RGPD3: variants seen among roughly 807,000 people sequenced by gnomAD.
RGPD3 encodes ranBP2-like and GRIP domain-containing protein 3.
In RGPD3, 62 loss-of-function variants were observed where a neutral mutation model predicts 154.5. That is an observed-to-expected ratio of 0.40 (90% CI 0.33 to 0.50). The LOEUF is 0.50. RGPD3 is among the 20% of genes least tolerant of loss of function. The pLI is 0.59. For missense variants in RGPD3, 919 were observed against 1,716.8 expected (o/e 0.54, Z 8.21); for synonymous variants, 308 against 607.0 (o/e 0.51, Z 7.24).
chr2:106,467,122 C>G (rs1678639102), intron 1 of RGPD3, among the ~76,000 whole-genome samples: 1 of 86,260 alleles, frequency 1.2e-5, no homozygotes, highest in African/African-American at 3.7e-5. Context: ...GGCGCCTCAA[C>G]AGAGCGCGCC....
chr2:106,448,397 A>T (rs1678001191), intron 6 of RGPD3, among the ~76,000 whole-genome samples: 1 of 152,132 alleles, frequency 6.6e-6, no homozygotes. Context: ...GGCATGAGCC[A>T]CTATGCCTGG....
chr2:106,446,839 G>T (rs1212870727), intron 7 of RGPD3, among the ~76,000 whole-genome samples: 1 of 151,782 alleles, frequency 6.6e-6, no homozygotes, highest in Non-Finnish European at 1.5e-5. Context: ...CCGAGATCAC[G>T]CCACTGCACT....
In RGPD3 at chr2:106,424,796, T is replaced by C. The variant is rs1232223522; in HGVS notation, c.3171A>G (p.Glu1057=). ...KVELVTGEEG[E]KVLYSQGVKL... ...TTACCCCCTGTGAATACAGAACTTT[T>C]TCACCTTCTTCTCCTGTTACAAGTT... The change falls in exon 20 of 23, where the codon GAA becomes GAG. Residue 1057 remains glutamate, a synonymous_variant. Coordinates refer to ENST00000409886, the MANE Select transcript of RGPD3 (RefSeq NM_001144013.2). 1 of 1,611,756 alleles carries C rather than the reference T, an allele frequency of 6.2e-7. No individual in the cohort carries two copies. The highest frequency in any genetic ancestry group is 8.5e-7 in the Non-Finnish European group (1 of 1,179,850).
Position 106,423,802 on chromosome 2 carries a change from C to G in RGPD3, c.4165G>C (p.Asp1389His), listed in dbSNP as rs768219759. 3.7e-6 allele frequency: 6 copies of G among 1,611,998 alleles called. No homozygotes were observed. The highest frequency in any genetic ancestry group is 5.1e-6 in the Non-Finnish European group (6 of 1,179,874). Reference protein sequence around the residue: ...IGDIKILQNYDNKHVRILMRR... With the variant: ...IGDIKILQNYHNKHVRILMRR... Reference sequence around the variant, plus strand: ...ATCAGTATACGAACGTGCTTATTATCATAATTCTGTAAAATCTTTATATCA... The same window carrying G: ...ATCAGTATACGAACGTGCTTATTATGATAATTCTGTAAAATCTTTATATCA... The change falls in exon 20 of 23, where the codon GAT becomes CAT. Residue 1389 changes from aspartate to histidine, a missense_variant. Asp to His is a moderately conservative substitution (Grantham distance 81). Transcript: ENST00000409886.
intron 6 of RGPD3, among the ~76,000 whole-genome samples, chr2:106,451,823 T>G (rs928596963): frequency 1.8e-4 from 27 of 152,022 alleles, no homozygotes; most frequent in Non-Finnish European, 2.2e-4. Flanking sequence ...TACTAGTACA[T>G]GTGAACCTAG....
chr2:106,461,547 T>C (rs1411375774), intron 1 of RGPD3, among the ~76,000 whole-genome samples: 2 of 151,970 alleles, frequency 1.3e-5, no homozygotes, highest in Non-Finnish European at 2.9e-5. Context: ...TGTTTATTTA[T>C]ATAATCTTCC....
chr2:106,410,476 T>C (rs1458959582), intron 22 of RGPD3, among the ~76,000 whole-genome samples: 1 of 152,188 alleles, frequency 6.6e-6, no homozygotes, highest in Admixed American at 6.5e-5. Context: ...CAATGGACCC[T>C]TAACTTATAG....
chr2:106,464,340 C>CAAAAAAAAAA (rs55851806), intron 1 of RGPD3, among the ~76,000 whole-genome samples: 1 of 107,350 alleles, frequency 9.3e-6, no homozygotes. Context: ...GACTCCATCT[C>CAAAAAAAAAA]AAAAAAAAAA....
chr2:106,449,241 G>C (rs2104500899), intron 6 of RGPD3, among the ~76,000 whole-genome samples: 1 of 149,460 alleles, frequency 6.7e-6, no homozygotes, highest in East Asian at 2.0e-4. Flanking sequence ...GAGGCGGGTG[G>C]ATCACCTGAG....
At chr2:106,416,198 C>A (rs1276400583) in intron 20 of RGPD3, among the ~76,000 whole-genome samples, 93 of 143,290 alleles carry the variant, frequency 6.5e-4, no homozygotes, top group Middle Eastern at 3.5e-3. Flanking sequence ...TAAAGCATGT[C>A]ATCTAACTGA....
At chr2:106,468,741 G>C (rs1238891496), upstream of RGPD3, among the ~76,000 whole-genome samples, 1 of 149,598 alleles carries the variant, frequency 6.7e-6, no homozygotes, top group Non-Finnish European at 1.5e-5. Flanking sequence ...AGGAGGTGGA[G>C]GTTGCAGTAC....
At position 106,415,979 on chromosome 2, in the gene RGPD3, T is replaced by C. The variant is rs1008943548; in HGVS notation, c.4935A>G (p.Leu1645=). The part of the protein sequence containing the change: ...TFKTPEKEPP[L]WYAEFTKEEL... Reference sequence around the variant, plus strand: ...CTTCTTTAGTAAATTCAGCATACCATAATGGAGGCTCTGCAACATGTTGTT... The same window carrying C: ...CTTCTTTAGTAAATTCAGCATACCACAATGGAGGCTCTGCAACATGTTGTT... Residue 1645 remains leucine, a synonymous_variant, in exon 21 of 23, where the codon TTA becomes TTG. Coordinates refer to ENST00000409886, the MANE Select transcript of RGPD3 (RefSeq NM_001144013.2). 7.4e-6 allele frequency: 12 copies of C among 1,611,796 alleles called. No individual in the cohort carries two copies. The highest frequency in any genetic ancestry group is 1.3e-5 in the African/African-American group (1 of 74,948).
At position 106,423,825 on chromosome 2, in the gene RGPD3, T is replaced by C. The variant is rs771465459; in HGVS notation, c.4142A>G (p.Asp1381Gly). 1 of 1,611,900 alleles carries C rather than the reference T, an allele frequency of 6.2e-7. No individual in the cohort carries two copies. Among genetic ancestry groups the C allele is most frequent in the South Asian group, 1.1e-5 (1 of 90,984 alleles). Residue 1381 changes from aspartate to glycine, a missense_variant, in exon 20 of 23, where the codon GAT (aspartate) becomes GGT (glycine). Transcript: ENST00000409886. The stretch of plus-strand genomic sequence containing the variant: ...ATCATAATTCTGTAAAATCTTTATA[T>C]CACCAATGCCCCTTTCTTTCCATTG... ...VGQWKERGIG[D>G]IKILQNYDNK...
Position 106,424,267 on chromosome 2 carries a change from T to C in RGPD3, c.3700A>G (p.Thr1234Ala). The C allele has an allele frequency of 1.2e-6, 2 of 1,612,020 alleles. No homozygotes were observed. The highest frequency in any genetic ancestry group is 2.2e-5 in the South Asian group (2 of 90,978). ...SGTGAAGASD[T>A]TIKPNAENTG... ...TTTTCAGCATTGGGTTTTATTGTTGTGTCTGAGGCACCGGCCGCACCTGTA... is the reference window on the plus strand; with the variant it reads ...TTTTCAGCATTGGGTTTTATTGTTGCGTCTGAGGCACCGGCCGCACCTGTA... Residue 1234 changes from threonine (T) to alanine (A), a missense_variant, in exon 20 of 23, where the codon ACA (threonine) becomes GCA (alanine). Physicochemically the swap from Thr to Ala is moderately conservative, Grantham distance 58. Coordinates refer to ENST00000409886, the MANE Select transcript of RGPD3 (RefSeq NM_001144013.2).
chr2:106,432,110 C>T (rs1179006878), intron 17 of RGPD3, among the ~76,000 whole-genome samples: 1 of 148,646 alleles, frequency 6.7e-6, no homozygotes, highest in Non-Finnish European at 1.5e-5. Flanking sequence ...CTTTGAAGGT[C>T]TCAAATTTTG....
chr2:106,410,093 C>T (rs1443881699), intron 22 of RGPD3, among the ~76,000 whole-genome samples: 1 of 151,788 alleles, frequency 6.6e-6, no homozygotes, highest in Non-Finnish European at 1.5e-5. Flanking sequence ...CCAGGCTGGT[C>T]TTGAACTCCT....
intron 1 of RGPD3, among the ~76,000 whole-genome samples, chr2:106,465,994 A>G (rs1204674725): frequency 4.6e-5 from 7 of 152,050 alleles, no homozygotes; most frequent in African/African-American, 1.7e-4. Flanking sequence ...CCTCCAGGCC[A>G]AGGAGGTATG....
At chr2:106,440,373 C>G (rs1199134434) in intron 8 of RGPD3, among the ~76,000 whole-genome samples, 5 of 150,800 alleles carry the variant, frequency 3.3e-5, no homozygotes, top group Non-Finnish European at 7.4e-5. Context: ...AGTTGTGTCT[C>G]AGCACACTTA....
chr2:106,449,595 CG>C (rs1678047565), intron 6 of RGPD3, among the ~76,000 whole-genome samples: 1 of 151,696 alleles, frequency 6.6e-6, no homozygotes, highest in Non-Finnish European at 1.5e-5. Flanking sequence ...AACCCACATA[CG>C]GCCGGGTGCA....
Sources: allele counts gnomAD v4.1 joint callset (sites outside exome capture counted in the v4.1 genomes callset), GRCh38; gene constraint gnomAD v4.1.1; transcripts MANE v1.5; gene names NCBI Gene and HGNC (gene_info 2026-07-23, HGNC 2026-07-21).